Variants in NF1 observed in about 807,000 individuals in gnomAD.
The protein encoded by NF1 is neurofibromin 1, also known as neurofibromin.
NF1 carries 122 observed loss-of-function variants against 325.7 expected under a neutral mutation model. That is an observed-to-expected ratio of 0.37 (90% confidence interval 0.32 to 0.44). The LOEUF (loss-of-function observed/expected upper bound fraction) is 0.44, where lower values mean the gene tolerates loss of function less well. NF1 is among the 20% of genes least tolerant of loss of function. The pLI, the probability that NF1 is intolerant of heterozygous loss-of-function variation, is 1.00. For missense variants in NF1, 2,140 were observed against 3,415.4 expected (o/e 0.63, Z 9.31); for synonymous variants, 1,091 against 1,186.0 (o/e 0.92, Z 1.65).
intron 1 of NF1, among the ~76,000 whole-genome samples, chr17:31,154,732 C>CTTTTTTTTTTTTTTTTTTTTTT: frequency 9.7e-6 from 1 of 103,394 alleles, no homozygotes; most frequent in Admixed American, 1.1e-4. Flanking sequence ...TTAGTATTTC[C>CTTTTTTTTTTTTTTTTTTTTTT]TTTTTTTTTT....
chr17:31,240,430 A>G (rs1189229612), intron 29 of NF1, among the ~76,000 whole-genome samples: 3 of 152,184 alleles, frequency 2.0e-5, no homozygotes, highest in Non-Finnish European at 4.4e-5. Context: ...TTGTGTCTGA[A>G]TAGTACTCCG....
chr17:31,333,118 G>A (rs941678178), intron 39 of NF1, among the ~76,000 whole-genome samples: 1 of 152,032 alleles, frequency 6.6e-6, no homozygotes, highest in East Asian at 1.9e-4. Flanking sequence ...TGAAAGAATA[G>A]TGAGATAATC....
intron 1 of NF1, among the ~76,000 whole-genome samples, chr17:31,127,506 T>C (rs542087319): frequency 6.6e-6 from 1 of 151,992 alleles, no homozygotes; most frequent in African/African-American, 2.4e-5. Flanking sequence ...TTTCCTAGAA[T>C]ATTTTTATTA....
At chr17:31,372,181 G>A (rs943150542) in intron 57 of NF1, among the ~76,000 whole-genome samples, 1 of 152,082 alleles carries the variant, frequency 6.6e-6, no homozygotes, top group South Asian at 2.1e-4. Flanking sequence ...GCCATACAGA[G>A]GTAAAATATA....
intron 36 of NF1, among the ~76,000 whole-genome samples, chr17:31,282,716 A>G (rs2068144368): frequency 6.6e-6 from 1 of 152,206 alleles, no homozygotes; most frequent in South Asian, 2.1e-4. Flanking sequence ...ATAATATTCT[A>G]TTGTATTCAT....
rs1267790676 is a variant in NF1 at position 31,208,998 on chromosome 17, TC to T, written c.1392+2629del. 3.9e-5 allele frequency among the ~76,000 whole-genome samples: 6 copies of T among 152,316 alleles called. No homozygotes were observed. In the South Asian group the frequency reaches 1.2e-3, roughly 32 times the overall value. On this transcript the variant is annotated intron_variant, in intron 12 of 57. Transcript: ENST00000358273. ...ACAGATAATACCTAACATCAGAGTTTCCTACTGTTGGCACTATTAACATTTT... is the reference window on the plus strand; with the variant it reads ...ACAGATAATACCTAACATCAGAGTTTCTACTGTTGGCACTATTAACATTTT...
intron 36 of NF1, among the ~76,000 whole-genome samples, chr17:31,282,995 C>T (rs937399169): frequency 2.6e-5 from 4 of 152,216 alleles, no homozygotes; most frequent in African/African-American, 4.8e-5. Flanking sequence ...AAGTCTATTA[C>T]TGTTTAACAA....
intron 1 of NF1, among the ~76,000 whole-genome samples, chr17:31,097,334 T>C (rs1413833334): frequency 6.6e-6 from 1 of 151,872 alleles, no homozygotes; most frequent in Non-Finnish European, 1.5e-5. Context: ...GGCGGGCGCC[T>C]GTAATCCCAG....
chr17:31,278,590 T>G (rs1237512393), intron 36 of NF1, among the ~76,000 whole-genome samples: 1 of 143,044 alleles, frequency 7.0e-6, no homozygotes, highest in Non-Finnish European at 1.5e-5. Context: ...GCCTCATGTC[T>G]CATTCATTCA....
chr17:31,156,492 T>A (rs2065664922), intron 2 of NF1, among the ~76,000 whole-genome samples: 1 of 152,182 alleles, frequency 6.6e-6, no homozygotes. Flanking sequence ...TTACACATAT[T>A]TTTCTTTAGC....
chr17:31,219,189 G>C (rs1444408401), intron 14 of NF1, 71 bp downstream of exon 14: 1 of 1,512,448 alleles, frequency 6.6e-7, no homozygotes, highest in Non-Finnish European at 9.1e-7. Context: ...TGTTCCTTTG[G>C]TGTGTGGTTT....
chr17:31,281,725 A>T (rs1279480202), intron 36 of NF1, among the ~76,000 whole-genome samples: 1 of 152,142 alleles, frequency 6.6e-6, no homozygotes, highest in Non-Finnish European at 1.5e-5. Context: ...CAAGTTTAAA[A>T]AAAAAAAATT....
At chr17:31,230,972 G>A (rs778234167) in intron 24 of NF1, 47 bp downstream of exon 24, 6 of 1,365,100 alleles carry the variant, frequency 4.4e-6, no homozygotes, top group Admixed American at 1.8e-5. Flanking sequence ...TACTGTGAGA[G>A]TTATAACTAC....
At chr17:31,297,724 GT>G (rs1392688942) in intron 36 of NF1, among the ~76,000 whole-genome samples, 14 of 151,852 alleles carry the variant, frequency 9.2e-5, no homozygotes, top group African/African-American at 3.1e-4. Flanking sequence ...TAAAAAATCT[GT>G]TTTATGACTT....
chr17:31,313,723 TGTGTG>T (rs1412045325), intron 36 of NF1, among the ~76,000 whole-genome samples: 3 of 16,202 alleles, frequency 1.9e-4, no homozygotes, highest in Non-Finnish European at 4.7e-4. Context: ...AAAAAAAATA[TGTGTG>T]TGTGTGTGTG....
chr17:31,307,435 A>C (rs114759920), intron 36 of NF1, among the ~76,000 whole-genome samples: 2 of 152,228 alleles, frequency 1.3e-5, no homozygotes, highest in Admixed American at 1.3e-4. Context: ...TTAAAAGTCT[A>C]TAAAAACTAA....
intron 1 of NF1, among the ~76,000 whole-genome samples, chr17:31,131,940 T>TA (rs1212566197): frequency 6.6e-6 from 1 of 152,174 alleles, no homozygotes; most frequent in Non-Finnish European, 1.5e-5. Flanking sequence ...ATTTCGTTTT[T>TA]ATTTTTTTGA....
rs1555533559 is a variant in NF1, at chr17:31,327,536, G to A, written c.5306G>A (p.Arg1769Gln). 3.1e-6 allele frequency: 5 copies of A among 1,613,990 alleles called. No individual in the cohort carries two copies. The highest frequency in any genetic ancestry group is 4.2e-6 in the Non-Finnish European group (5 of 1,180,036). ...GCTGTCCAAGTAACTTCAGCAGAGC[G>A]AACAAAAGTCCTAGGGCAATCAGTC... Reference protein sequence around the residue: ...STAVQVTSAERTKVLGQSVFL... With the variant: ...STAVQVTSAEQTKVLGQSVFL... Residue 1769 changes from arginine (R) to glutamine (Q), a missense_variant, in exon 38 of 58, where the codon CGA becomes CAA. Physicochemically the swap from Arg to Gln is conservative, Grantham distance 43. Transcript: ENST00000358273.
intron 11 of NF1, among the ~76,000 whole-genome samples, chr17:31,203,475 G>T (rs146702408): frequency 6.6e-6 from 1 of 152,044 alleles, no homozygotes; most frequent in Non-Finnish European, 1.5e-5. Flanking sequence ...ATTGTTTCTC[G>T]TTAGGATATT....
Sources: allele counts gnomAD v4.1 joint callset (sites outside exome capture counted in the v4.1 genomes callset), GRCh38; gene constraint gnomAD v4.1.1; transcripts MANE v1.5; gene names NCBI Gene and HGNC (gene_info 2026-07-23, HGNC 2026-07-21).